POTEF: variants seen among roughly 807,000 people sequenced by gnomAD.
POTEF encodes ANKRD26-like family C member 1B.
POTEF carries 20 observed loss-of-function variants against 83.2 expected under a neutral mutation model. That is an observed-to-expected ratio of 0.24 (90% CI 0.17 to 0.35). POTEF has a LOEUF of 0.35. Among genes scored for constraint, POTEF ranks in the 10% least tolerant of loss-of-function variants. The pLI is 1.00. For missense variants in POTEF, 550 were observed against 1,203.2 expected (o/e 0.46, Z 8.03); for synonymous variants, 196 against 446.4 (o/e 0.44, Z 7.07).
chr2:130,126,388 A>C (rs543705814), intron 2 of POTEF, among the ~76,000 whole-genome samples: 26 of 152,214 alleles, frequency 1.7e-4, no homozygotes, highest in African/African-American at 6.3e-4. Context: ...TAATAATCTC[A>C]TAAATTAGAA....
chr2:130,126,961 A>T (rs1410952659), intron 2 of POTEF, among the ~76,000 whole-genome samples: 5 of 152,038 alleles, frequency 3.3e-5, no homozygotes, highest in Admixed American at 6.5e-5. Context: ...AAGGCCTATT[A>T]TGACACCTTT....
chr2:130,124,843 C>A (rs1398083742), intron 2 of POTEF, among the ~76,000 whole-genome samples: 2 of 129,656 alleles, frequency 1.5e-5, no homozygotes, highest in Non-Finnish European at 3.2e-5. Flanking sequence ...ACAAGAGAGA[C>A]TGGGGTAATA....
At chr2:130,080,145 C>T (rs1231500482) in intron 15 of POTEF, among the ~76,000 whole-genome samples, 4 of 3,734 alleles carry the variant, frequency 1.1e-3, no homozygotes, top group Non-Finnish European at 6.5e-4. Context: ...CAAACTATTG[C>T]GGGGGGGGGG....
At chr2:130,120,759 C>A in intron 2 of POTEF, 151 bp from the exon 3 acceptor site, 2 of 776,608 alleles carry the variant, frequency 2.6e-6, no homozygotes, top group Non-Finnish European at 4.0e-6. Context: ...CAGAAAGGGC[C>A]AACCCCCGCC....
At chr2:130,126,515 G>A (rs559540680) in intron 2 of POTEF, among the ~76,000 whole-genome samples, 13 of 152,082 alleles carry the variant, frequency 8.5e-5, no homozygotes, top group African/African-American at 2.2e-4. Context: ...TACTTACAAC[G>A]CATTAGCCCA....
intron 8 of POTEF, among the ~76,000 whole-genome samples, chr2:130,102,721 T>C (rs1380088315): frequency 6.6e-6 from 1 of 150,962 alleles, no homozygotes; most frequent in Non-Finnish European, 1.5e-5. Context: ...GAGCTGTTTT[T>C]ACAAATGCAT....
chr2:130,110,448 A>T (rs1479479526), intron 7 of POTEF, 95 bp downstream of exon 7: 15 of 1,573,288 alleles, frequency 9.5e-6, no homozygotes, highest in African/African-American at 1.4e-5. Flanking sequence ...ACCTGAACCA[A>T]ACTATGACAT....
rs754072547 is a variant in POTEF at position 130,120,196 on chromosome 2, G to C, written c.320C>G (p.Pro107Arg). The C allele has an allele frequency of 1.9e-6, 3 of 1,597,888 alleles. No homozygotes were observed. The South Asian group carries it at 3.3e-5, about 18-fold the overall frequency. Residue 107 changes from proline (P) to arginine (R), a missense_variant, in exon 3 of 17, where the codon CCC (proline) becomes CGC (arginine). Coordinates refer to ENST00000409914, the MANE Select transcript of POTEF (RefSeq NM_001099771.2). ...KMGKWCCHCF[P>R]CCRGSSKSKV... ...GCTCTTGCTGCTCCCCCTGCAGCAGGGGAAGCAGTGGCAGCACCACTTGCC... is the reference window on the plus strand; with the variant it reads ...GCTCTTGCTGCTCCCCCTGCAGCAGCGGAAGCAGTGGCAGCACCACTTGCC...
chr2:130,116,937 A>C (rs1684861286), intron 3 of POTEF, among the ~76,000 whole-genome samples: 1 of 108,542 alleles, frequency 9.2e-6, no homozygotes, highest in Non-Finnish European at 1.8e-5. Flanking sequence ...ATAAACATGA[A>C]GTTTTCAAAG....
At chr2:130,115,738 A>ATT (rs1311130029) in intron 3 of POTEF, among the ~76,000 whole-genome samples, 1 of 152,234 alleles carries the variant, frequency 6.6e-6, no homozygotes, top group Non-Finnish European at 1.5e-5. Flanking sequence ...CACAAATAAC[A>ATT]GCTCAATAAT....
chr2:130,126,359 G>T (rs1363928745), intron 2 of POTEF, among the ~76,000 whole-genome samples: 1 of 148,454 alleles, frequency 6.7e-6, no homozygotes, highest in Non-Finnish European at 1.5e-5. Context: ...CAGAGAAAAT[G>T]AAGGCAATAC....
In POTEF at chr2:130,120,490, G is replaced by T; in HGVS notation, c.26C>A (p.Pro9Gln). 1 of 1,613,300 alleles carries T rather than the reference G, an allele frequency of 6.2e-7. No homozygotes were observed. Among genetic ancestry groups the T allele is most frequent in the East Asian group, 2.2e-5 (1 of 44,796 alleles). MVVEVDSM[P>Q]AASSVKKPFG... ...TGGCTTCTTCACAGAAGAGGCAGCCGGCATGGAATCAACCTCAACCACCAT... is the reference window on the plus strand; with the variant it reads ...TGGCTTCTTCACAGAAGAGGCAGCCTGCATGGAATCAACCTCAACCACCAT... Residue 9 changes from proline to glutamine, a missense_variant, in exon 3 of 17, where the codon CCG becomes CAG. Physicochemically the swap from Pro to Gln is moderately conservative, Grantham distance 76. Coordinates refer to ENST00000409914, the MANE Select transcript of POTEF (RefSeq NM_001099771.2).
intron 7 of POTEF, among the ~76,000 whole-genome samples, chr2:130,110,273 G>A (rs1684673110): frequency 1.3e-5 from 2 of 150,234 alleles, no homozygotes; most frequent in Admixed American, 6.6e-5. Context: ...CCCTGCATAG[G>A]TGTTACACTT....
intron 3 of POTEF, among the ~76,000 whole-genome samples, chr2:130,119,550 A>G (rs1221988248): frequency 6.6e-6 from 1 of 150,996 alleles, no homozygotes; most frequent in East Asian, 2.0e-4. Flanking sequence ...TTCCTCAGTA[A>G]AGAACATATT....
chr2:130,093,086 T>G (rs1684169678), intron 12 of POTEF, among the ~76,000 whole-genome samples: 1 of 145,032 alleles, frequency 6.9e-6, no homozygotes, highest in East Asian at 2.0e-4. Context: ...ATGAACCCTG[T>G]TGTGAACTGC....
intron 15 of POTEF, among the ~76,000 whole-genome samples, chr2:130,083,922 C>A (rs1439500845): frequency 2.3e-4 from 17 of 74,972 alleles, no homozygotes; most frequent in East Asian, 3.4e-4. Context: ...TTTAAAGGCC[C>A]TTTGAACATT....
chr2:130,086,613 TGAAAAATAATTCAC>T (rs1270954488), intron 13 of POTEF, among the ~76,000 whole-genome samples: 1 of 81,078 alleles, frequency 1.2e-5, no homozygotes, highest in African/African-American at 5.8e-5. Context: ...TTCTAACATG[TGAAAAATAATTCAC>T]CTTAGACAAA....
Position 130,075,282 on chromosome 2 carries a change from G to A in POTEF, c.2190C>T (p.Val730=), listed in dbSNP as rs1300392620. 1.2e-6 allele frequency: 2 copies of A among 1,612,618 alleles called. No homozygotes were observed. The highest frequency in any genetic ancestry group is 1.3e-5 in the African/African-American group (1 of 74,844). The change falls in exon 17 of 17, where the codon GTC becomes GTT. Residue 730 remains valine, a synonymous_variant. Transcript: ENST00000409914. Reference sequence around the variant, plus strand: ...TGGGGCGCCCCACGATGGAAGGGAAGACAGCCCGGGGGGCATCGTCGCCCG... The same window carrying A: ...TGGGGCGCCCCACGATGGAAGGGAAAACAGCCCGGGGGGCATCGTCGCCCG... The part of the protein sequence containing the change: ...GFAGDDAPRA[V]FPSIVGRPRQ...
At chr2:130,116,166 A>G (rs1397225396) in intron 3 of POTEF, among the ~76,000 whole-genome samples, 1 of 151,896 alleles carries the variant, frequency 6.6e-6, no homozygotes, top group African/African-American at 2.4e-5. Flanking sequence ...TTGGTTTTCA[A>G]TAAACTTTAA....
Sources: allele counts gnomAD v4.1 joint callset (sites outside exome capture counted in the v4.1 genomes callset), GRCh38; gene constraint gnomAD v4.1.1; transcripts MANE v1.5; gene names NCBI Gene and HGNC (gene_info 2026-07-23, HGNC 2026-07-21).